PLEKHH2: variants seen among roughly 807,000 people sequenced by gnomAD.
PLEKHH2 encodes the protein pleckstrin homology domain-containing family H member 2.
A neutral mutation model predicts 187.9 loss-of-function variants in PLEKHH2; 129 were observed. The ratio of observed to expected loss-of-function variants is 0.69; its 90% CI spans 0.59 to 0.79. PLEKHH2 has a LOEUF of 0.79. Among genes scored for constraint, PLEKHH2 ranks in the 30% least tolerant of loss-of-function variants. The pLI is 0.00. For synonymous variants in PLEKHH2, 686 were observed against 605.6 expected, an observed-to-expected ratio of 1.13 and a Z score of -1.95; for missense variants, 2,076 against 1,751.2, an observed-to-expected ratio of 1.19 and a Z score of -3.31.
intron 24 of PLEKHH2, among the ~76,000 whole-genome samples, chr2:43,753,015 T>C (rs529060173): frequency 8.5e-5 from 13 of 152,142 alleles, no homozygotes; most frequent in Non-Finnish European, 1.5e-4. Flanking sequence ...TTGATGTTGA[T>C]TTGGGGGTAG....
chr2:43,739,571 C>T (rs556831796), intron 20 of PLEKHH2, among the ~76,000 whole-genome samples: 86 of 152,274 alleles, frequency 5.6e-4, no homozygotes, highest in African/African-American at 1.9e-3. Context: ...ATTACTTTTG[C>T]ACATTTTAGA....
chr2:43,737,512 G>C (rs1484686167), intron 19 of PLEKHH2, among the ~76,000 whole-genome samples: 4 of 152,198 alleles, frequency 2.6e-5, no homozygotes, highest in African/African-American at 9.6e-5. Context: ...TTAGCTGGGT[G>C]GTTCTGACTC....
rs1303914010 is a variant in PLEKHH2, at chr2:43,748,416, AAT to A, written c.3653+2456_3653+2457del. On this transcript the variant is annotated intron_variant, in intron 24 of 29. Transcript: ENST00000282406. ...GTGACTGGGAAGGACAGCAGGCTAG[AAT>A]ATTTGGACCTTCTAGATTATTATTG... Among the ~76,000 whole-genome samples, 3 of 152,220 alleles carry A rather than the reference AAT, an allele frequency of 2.0e-5. No individual in the cohort carries two copies. The East Asian group carries it at 5.8e-4, about 29-fold the overall frequency.
chr2:43,681,297 C>G (rs1668169874), intron 3 of PLEKHH2: 1 of 763,156 alleles, frequency 1.3e-6, no homozygotes, highest in Non-Finnish European at 2.2e-6. Flanking sequence ...CTGACTGTAA[C>G]TCTGTCTGTG....
At chr2:43,739,629 G>A (rs1012886385) in intron 20 of PLEKHH2, among the ~76,000 whole-genome samples, 1 of 152,208 alleles carries the variant, frequency 6.6e-6, no homozygotes, top group African/African-American at 2.4e-5. Flanking sequence ...CCCAGGACCT[G>A]TGCCCAAGAG....
intron 2 of PLEKHH2, among the ~76,000 whole-genome samples, chr2:43,657,703 C>G (rs1666861704): frequency 6.6e-6 from 1 of 152,208 alleles, no homozygotes; most frequent in African/African-American, 2.4e-5. Context: ...TTGTTTTTAT[C>G]TTTTAAGTTT....
In PLEKHH2 at chr2:43,740,940, G is replaced by T. The variant is rs1671533815; in HGVS notation, c.3124-6G>T. On this transcript the variant is annotated splice_polypyrimidine_tract_variant and splice_region_variant and intron_variant, in intron 20 of 29. Coordinates refer to ENST00000282406, the MANE Select transcript of PLEKHH2 (RefSeq NM_172069.4). The stretch of plus-strand genomic sequence containing the variant: ...TATCTAACCTGTGGTGCTTCTCCCT[G>T]CCCAGGGCTGGCAGCTCTTGGCACT... 3.1e-6 allele frequency: 5 copies of T among 1,613,172 alleles called. No homozygotes were observed. Among genetic ancestry groups the T allele is most frequent in the Non-Finnish European group, 4.2e-6 (5 of 1,179,620 alleles).
chr2:43,684,909 A>T (rs944208387), intron 3 of PLEKHH2, among the ~76,000 whole-genome samples: 6 of 151,826 alleles, frequency 4.0e-5, no homozygotes, highest in African/African-American at 1.4e-4. Context: ...TTGTCACAAC[A>T]CTTTAAATTT....
At chr2:43,654,490 C>T (rs536915011) in intron 2 of PLEKHH2, among the ~76,000 whole-genome samples, 68 of 151,666 alleles carry the variant, frequency 4.5e-4, no homozygotes, top group African/African-American at 1.5e-3. Context: ...CCACTGCGCC[C>T]GGCCAGGTGT....
At chr2:43,647,182 C>G (rs148218058) in intron 2 of PLEKHH2, among the ~76,000 whole-genome samples, 1 of 152,118 alleles carries the variant, frequency 6.6e-6, no homozygotes, top group Non-Finnish European at 1.5e-5. Context: ...TTATTGTGCT[C>G]ATTTTATAGA....
At chr2:43,743,469 T>A (rs184587843) in intron 22 of PLEKHH2, among the ~76,000 whole-genome samples, 14 of 152,370 alleles carry the variant, frequency 9.2e-5, no homozygotes, top group Non-Finnish European at 5.9e-5. Flanking sequence ...GGTGTTCATT[T>A]ATTTAAACAT....
intron 2 of PLEKHH2, among the ~76,000 whole-genome samples, chr2:43,649,349 G>A (rs556335010): frequency 2.5e-4 from 38 of 152,148 alleles, no homozygotes; most frequent in South Asian, 1.0e-3. Flanking sequence ...TTAGATTTTC[G>A]GTGAAAAGGA....
intron 2 of PLEKHH2, among the ~76,000 whole-genome samples, chr2:43,677,708 G>A (rs1358886122): frequency 6.6e-6 from 1 of 151,730 alleles, no homozygotes; most frequent in Non-Finnish European, 1.5e-5. Flanking sequence ...TCAATGAGCT[G>A]TTGGGTACAC....
intron 2 of PLEKHH2, among the ~76,000 whole-genome samples, chr2:43,677,984 C>G (rs1667937520): frequency 6.6e-6 from 1 of 151,822 alleles, no homozygotes; most frequent in African/African-American, 2.4e-5. Flanking sequence ...GGGCTCCTCA[C>G]TTCTCAGACG....
At chr2:43,666,714 C>T (rs956874632) in intron 2 of PLEKHH2, among the ~76,000 whole-genome samples, 2 of 152,124 alleles carry the variant, frequency 1.3e-5, no homozygotes, top group African/African-American at 4.8e-5. Flanking sequence ...ATGATGTTGA[C>T]CATCTTTTTA....
At chr2:43,763,935 G>T (rs1242993831) in intron 28 of PLEKHH2, among the ~76,000 whole-genome samples, 1 of 151,732 alleles carries the variant, frequency 6.6e-6, no homozygotes, top group Non-Finnish European at 1.5e-5. Flanking sequence ...ATTAACAGTG[G>T]CTTTCCACTA....
rs1157397937 is a variant in PLEKHH2 at position 43,740,916 on chromosome 2, A to G, written c.3124-30A>G. 6 of 1,609,930 alleles carry G rather than the reference A, an allele frequency of 3.7e-6. No individual in the cohort carries two copies. In the East Asian group the frequency reaches 8.9e-5, roughly 24 times the overall value. The stretch of plus-strand genomic sequence containing the variant: ...TGTGGATCTCTGACTGGCACGTGGT[A>G]TCTAACCTGTGGTGCTTCTCCCTGC... On this transcript the variant is annotated intron_variant, in intron 20 of 29. Transcript: ENST00000282406.
chr2:43,685,831 G>A (rs1668477642), intron 3 of PLEKHH2, among the ~76,000 whole-genome samples: 1 of 152,146 alleles, frequency 6.6e-6, no homozygotes, highest in South Asian at 2.1e-4. Flanking sequence ...ACTCCTGTGA[G>A]ATAGAAAAGC....
rs945767215 is a variant in PLEKHH2, at chr2:43,764,256, G to A, written c.4187G>A (p.Ser1396Asn). 5 of 1,561,954 alleles carry A rather than the reference G, an allele frequency of 3.2e-6. No homozygotes were observed. The highest frequency in any genetic ancestry group is 4.3e-6 in the Non-Finnish European group (5 of 1,151,286). The change falls in exon 29 of 30, where the codon AGT becomes AAT. Residue 1396 changes from serine to asparagine, a missense_variant. Physicochemically the swap from Ser to Asn is conservative, Grantham distance 46. Transcript: ENST00000282406. Reference sequence around the variant, plus strand: ...TTAATAGTCAGCTATGTGTACAAGAGTCTAATGACCTTTGGAGGCTATCAA... The same window carrying A: ...TTAATAGTCAGCTATGTGTACAAGAATCTAATGACCTTTGGAGGCTATCAA... ...MRLIVSYVYK[S>N]LMTFGGYQDD... is the part of the protein sequence containing the mutation.
Sources: allele counts gnomAD v4.1 joint callset (sites outside exome capture counted in the v4.1 genomes callset), GRCh38; gene constraint gnomAD v4.1.1; transcripts MANE v1.5; gene names NCBI Gene and HGNC (gene_info 2026-07-23, HGNC 2026-07-21).